SAMD11: variants seen among roughly 807,000 people sequenced by gnomAD.
SAMD11 encodes sterile alpha motif domain-containing protein 11.
SAMD11 carries 77 observed loss-of-function variants against 64.4 expected under a neutral mutation model. The observed-to-expected ratio is 1.20, with a 90% CI of 0.99 to 1.44. The LOEUF (loss-of-function observed/expected upper bound fraction) is 1.44, where lower values mean the gene tolerates loss of function less well. Among genes scored for constraint, SAMD11 ranks in the 40% most tolerant of loss-of-function variants. The pLI is 0.00. For missense variants in SAMD11, 1,402 were observed against 943.3 expected, an observed-to-expected ratio of 1.49 and a Z score of -6.37; for synonymous variants, 658 against 421.9, an observed-to-expected ratio of 1.56 and a Z score of -6.86.
intron 5 of SAMD11, among the ~76,000 whole-genome samples, chr1:936,526 T>G (rs181680783): frequency 2.5e-4 from 38 of 152,106 alleles, no homozygotes; most frequent in African/African-American, 8.0e-4. Context: ...GTCACAGTTG[T>G]GGGGGGACCA....
intron 2 of SAMD11, among the ~76,000 whole-genome samples, chr1:929,557 CGGT>C (rs1185651409): frequency 2.0e-5 from 3 of 152,168 alleles, no homozygotes; most frequent in African/African-American, 7.2e-5. Flanking sequence ...ACGTTGGCAT[CGGT>C]GGCAGGGTGT....
At position 935,097 on chromosome 1, in the gene SAMD11, G is replaced by A. The variant is rs561006690; in HGVS notation, c.843-675G>A. ...CACAGTTCGTCTCATTGCTCTCTGG[G>A]ACTCTGTGGATGTGGGATTGGGCTG... On this transcript the variant is annotated intron_variant, in intron 4 of 13. Coordinates refer to ENST00000616016, the MANE Select transcript of SAMD11 (RefSeq NM_001385641.1). Among the ~76,000 whole-genome samples, 12 of 152,252 alleles carry A rather than the reference G, an allele frequency of 7.9e-5. No individual in the cohort carries two copies. The South Asian group carries it at 2.3e-3, about 29-fold the overall frequency.
intron 4 of SAMD11, among the ~76,000 whole-genome samples, chr1:931,727 G>T (rs1056550810): frequency 1.3e-5 from 2 of 152,252 alleles, no homozygotes; most frequent in Non-Finnish European, 2.9e-5. Context: ...AGGCCTTCCT[G>T]GCAGACAGGG....
chr1:930,005 C>T, intron 2 of SAMD11, 150 bp from the exon 3 acceptor site: 1 of 898,574 alleles, frequency 1.1e-6, no homozygotes, highest in Non-Finnish European at 1.7e-6. Context: ...GCTCTGAGGG[C>T]ACCTCTGCCG....
chr1:944,104 C>T lies in SAMD11; in HGVS notation c.2486C>T (p.Thr829Ile), dbSNP rs370493594. ...ACTTCACCCAAGCAGGAGAATGGGA[C>T]CTTGGCTCTACTTCCAGGGGCCCCC... ...GQTSPKQENG[T>I]LALLPGAPDP... The change falls in exon 14 of 14, where the codon ACC becomes ATC. Residue 829 changes from threonine to isoleucine, a missense_variant. Physicochemically the swap from Thr to Ile is moderately conservative, Grantham distance 89 (BLOSUM62 -1). Coordinates refer to ENST00000616016, the MANE Select transcript of SAMD11 (RefSeq NM_001385641.1). 5.0e-6 allele frequency: 8 copies of T among 1,608,464 alleles called. No homozygotes were observed. The highest frequency in any genetic ancestry group is 3.4e-5 in the Admixed American group (2 of 59,606).
rs1176956891 is a variant in SAMD11, at chr1:942,648, A to G, written c.1643A>G (p.Asn548Ser). Residue 548 changes from asparagine to serine, a missense_variant, in exon 11 of 14, where the codon AAC (asparagine) becomes AGC (serine). Physicochemically the swap from Asn to Ser is conservative, Grantham distance 46. Coordinates refer to ENST00000616016, the MANE Select transcript of SAMD11 (RefSeq NM_001385641.1). ...LLAPETALRP[N>S]DGAEELQRRG... ...GCGCCCGAGACCGCCCTGCGCCCCA[A>G]CGACGGCGCCGAGGAGCTGCAGCGG... The G allele has an allele frequency of 6.3e-6, 9 of 1,435,968 alleles. No individual in the cohort carries two copies. Among genetic ancestry groups the G allele is most frequent in the African/African-American group, 6.0e-5 (4 of 66,736 alleles). The allele number at this position is 1,435,968 out of a possible 1,614,324, so 89.0% of individuals were successfully genotyped here. A position where few individuals can be genotyped will look rare whatever the true frequency, so the allele number is the denominator to read the frequency against.
At chr1:937,300 C>T (rs1253162180) in intron 5 of SAMD11, among the ~76,000 whole-genome samples, 1 of 152,140 alleles carries the variant, frequency 6.6e-6, no homozygotes, top group Non-Finnish European at 1.5e-5. Context: ...GCAGGTCCTG[C>T]ATCTGCCTCT....
chr1:941,061 C>A, intron 7 of SAMD11, 83 bp from the exon 8 acceptor site: 1 of 1,315,024 alleles, frequency 7.6e-7, no homozygotes, highest in Non-Finnish European at 1.1e-6. Flanking sequence ...CAGTTCCCCA[C>A]CTCAGTGTTC....
At position 925,960 on chromosome 1, in the gene SAMD11, C is replaced by CAGGT; in HGVS notation, c.557_560dup (p.His188GlyfsTer50). 6.2e-7 allele frequency: 1 copy of CAGGT among 1,612,080 alleles called. No individual in the cohort carries two copies. Among genetic ancestry groups the CAGGT allele is most frequent in the Non-Finnish European group, 8.5e-7 (1 of 1,179,892 alleles). ...GACGCTTATGTCCAAGGGGATCCTGCAGGTGCATCCTCCGATCTGCGACTG... is the reference window on the plus strand; with the variant it reads ...GACGCTTATGTCCAAGGGGATCCTGCAGGTAGGTGCATCCTCCGATCTGCGACTG... On this transcript the variant is annotated frameshift_variant, in exon 2 of 14. Transcript: ENST00000616016. LOFTEE classifies it high-confidence loss of function.
chr1:925,846 G>A (rs1640856231), intron 1 of SAMD11, 76 bp from the exon 2 acceptor site: 3 of 1,028,438 alleles, frequency 2.9e-6, no homozygotes, highest in East Asian at 4.8e-5. Context: ...GCCGGGGAGG[G>A]GGTACTGGCC....
chr1:932,783 C>A (rs1263981472), intron 4 of SAMD11, among the ~76,000 whole-genome samples: 1 of 152,272 alleles, frequency 6.6e-6, no homozygotes, highest in Admixed American at 6.5e-5. Context: ...GCAGTGACCA[C>A]CTGCCTTTTG....
In SAMD11 at chr1:942,702, G is replaced by T; in HGVS notation, c.1697G>T (p.Gly566Val). 1 of 1,442,384 alleles carries T rather than the reference G, an allele frequency of 6.9e-7. No homozygotes were observed. The highest frequency in any genetic ancestry group is 2.9e-5 in the East Asian group (1 of 34,594). 89.3% of individuals were successfully genotyped at this position (1,442,384 alleles called of 1,614,324 possible). A position where few individuals can be genotyped will look rare whatever the true frequency, so the allele number is the denominator to read the frequency against. The change falls in exon 11 of 14, where the codon GGC (glycine) becomes GTC (valine). Residue 566 changes from glycine to valine, a missense_variant. Coordinates refer to ENST00000616016, the MANE Select transcript of SAMD11 (RefSeq NM_001385641.1). The stretch of plus-strand genomic sequence containing the variant: ...GGGGCCCTGCTGGTGCTGAACCACG[G>T]CGCGGCGCCACTGCTGGCCCTGCCC... ...RRGALLVLNH[G>V]AAPLLALPPQ...
chr1:929,077 C>T (rs902074482), intron 2 of SAMD11, among the ~76,000 whole-genome samples: 6 of 152,228 alleles, frequency 3.9e-5, no homozygotes, highest in Admixed American at 1.3e-4. Flanking sequence ...AGCCTCCCGC[C>T]CACTGGAAAA....
Position 944,339 on chromosome 1 carries a change from G to GTGCAGATGGACGAGGTC in SAMD11, c.*193_*209dup, listed in dbSNP as rs1642018323. ...CTTGGGGGAGTGAAGGCAGAGCCTG[G>GTGCAGATGGACGAGGTC]TGCAGATGGACGAGGTCTGCAGACG... is the stretch of plus-strand genomic sequence containing the variant. On this transcript the variant is annotated 3_prime_UTR_variant, in exon 14 of 14. Transcript: ENST00000616016. 5.1e-6 allele frequency: 7 copies of GTGCAGATGGACGAGGTC among 1,379,646 alleles called. No individual in the cohort carries two copies. The Admixed American group carries it at 1.4e-4, about 27-fold the overall frequency. 85.5% of individuals were successfully genotyped at this position (1,379,646 alleles called of 1,614,324 possible). A position where few individuals can be genotyped will look rare whatever the true frequency, so the allele number is the denominator to read the frequency against.
intron 12 of SAMD11, among the ~76,000 whole-genome samples, 160 bp downstream of exon 12, chr1:943,537 T>C (rs1641950889): frequency 6.6e-6 from 1 of 150,904 alleles, no homozygotes; most frequent in East Asian, 2.0e-4. Flanking sequence ...TTTTTTTTTT[T>C]TTTTTTTTTT....
chr1:940,894 C>T (rs576895107), intron 7 of SAMD11, among the ~76,000 whole-genome samples: 16 of 152,298 alleles, frequency 1.1e-4, no homozygotes, highest in South Asian at 2.1e-4. Context: ...CCTCTCAGGC[C>T]GGAAGCCTCC....
At position 931,027 on chromosome 1, in the gene SAMD11, C is replaced by T; in HGVS notation, c.792-12C>T. Reference sequence around the variant, plus strand: ...CCAGAGCAACATGGACCTTCTGCTTCCCTTCCTGCAGAGTCCACACCCACT... The same window carrying T: ...CCAGAGCAACATGGACCTTCTGCTTTCCTTCCTGCAGAGTCCACACCCACT... On this transcript the variant is annotated splice_polypyrimidine_tract_variant and intron_variant, in intron 3 of 13. Coordinates refer to ENST00000616016, the MANE Select transcript of SAMD11 (RefSeq NM_001385641.1). 1 of 1,611,892 alleles carries T rather than the reference C, an allele frequency of 6.2e-7. No individual in the cohort carries two copies. Among genetic ancestry groups the T allele is most frequent in the South Asian group, 1.1e-5 (1 of 91,058 alleles).
At chr1:932,917 A>G (rs998335756) in intron 4 of SAMD11, among the ~76,000 whole-genome samples, 1 of 152,244 alleles carries the variant, frequency 6.6e-6, no homozygotes, top group Admixed American at 6.5e-5. Context: ...GCTGGTGGGA[A>G]AATGGGCAAG....
chr1:944,129 C>A lies in SAMD11; in HGVS notation c.2511C>A (p.Pro837=), dbSNP rs754435823. ...NGTLALLPGA[P]DPSQPLC ...CCTTGGCTCTACTTCCAGGGGCCCC[C>A]GACCCTTCCCAGCCTCTGTGTTGAG... The change falls in exon 14 of 14, where the codon CCC becomes CCA. Residue 837 remains proline (P), a synonymous_variant. Coordinates refer to ENST00000616016, the MANE Select transcript of SAMD11 (RefSeq NM_001385641.1). 6.3e-7 allele frequency: 1 copy of A among 1,589,230 alleles called. No individual in the cohort carries two copies. Among genetic ancestry groups the A allele is most frequent in the African/African-American group, 1.3e-5 (1 of 74,454 alleles).
Sources: allele counts gnomAD v4.1 joint callset (sites outside exome capture counted in the v4.1 genomes callset), GRCh38; gene constraint gnomAD v4.1.1; transcripts MANE v1.5; gene names NCBI Gene and HGNC (gene_info 2026-07-23, HGNC 2026-07-21).